CDH4: variants seen among roughly 807,000 people sequenced by gnomAD.
The protein encoded by CDH4 is cadherin-4.
Under a neutral mutation model 86.0 loss-of-function variants are expected in CDH4, and 33 were observed. The ratio of observed to expected loss-of-function variants is 0.38; its 90% CI spans 0.29 to 0.51. The LOEUF is 0.51. Ranked by LOEUF, CDH4 falls within the 20% of genes least tolerant of loss-of-function variation. CDH4 has a pLI of 0.86. For missense variants in CDH4, 1,114 were observed against 1,307.4 expected (o/e 0.85, Z 2.28); for synonymous variants, 555 against 549.4 (o/e 1.01, Z -0.14).
intron 4 of CDH4, among the ~76,000 whole-genome samples, chr20:61,788,686 G>C (rs951335391): frequency 2.0e-5 from 3 of 152,186 alleles, no homozygotes; most frequent in Non-Finnish European, 4.4e-5. Flanking sequence ...TCTAACAGCA[G>C]ACTTTTCTAA....
intron 2 of CDH4, among the ~76,000 whole-genome samples, chr20:61,692,227 A>ATGTG (rs1233116905): frequency 7.4e-6 from 1 of 135,832 alleles, no homozygotes; most frequent in Non-Finnish European, 1.7e-5. Context: ...GTATGTGTGT[A>ATGTG]TGTGTGTGTA....
intron 2 of CDH4, among the ~76,000 whole-genome samples, chr20:61,556,007 C>T (rs893268691): frequency 3.9e-5 from 6 of 152,142 alleles, no homozygotes; most frequent in Non-Finnish European, 8.8e-5. Flanking sequence ...GCTCTGAGCA[C>T]GAAGCCGCCC....
At chr20:61,824,290 G>A (rs955873623) in intron 4 of CDH4, among the ~76,000 whole-genome samples, 2 of 151,388 alleles carry the variant, frequency 1.3e-5, no homozygotes, top group African/African-American at 4.9e-5. Flanking sequence ...TGGGTAGCTG[G>A]ATTCATGGAT....
chr20:61,706,317 G>A lies in CDH4; in HGVS notation c.170-37246G>A, dbSNP rs143490936. Among the ~76,000 whole-genome samples, 57 of 152,212 alleles carry A rather than the reference G, an allele frequency of 3.7e-4. No individual in the cohort carries two copies. The South Asian group carries it at 9.3e-3, about 25-fold the overall frequency. Reference sequence around the variant, plus strand: ...ACTAAAGGGGGCTTCAGAGGGCCGGGGGGGATGAGAGACCGGATACCCCAC... The same window carrying A: ...ACTAAAGGGGGCTTCAGAGGGCCGGAGGGGATGAGAGACCGGATACCCCAC... On this transcript the variant is annotated intron_variant, in intron 2 of 15. Coordinates refer to ENST00000614565, the MANE Select transcript of CDH4 (RefSeq NM_001794.5).
At chr20:61,854,399 T>C (rs1225756853) in intron 6 of CDH4, among the ~76,000 whole-genome samples, 1 of 151,780 alleles carries the variant, frequency 6.6e-6, no homozygotes, top group Non-Finnish European at 1.5e-5. Flanking sequence ...GTGAACAGGG[T>C]GAATTGCACT....
chr20:61,788,186 T>C (rs1978986240), intron 4 of CDH4, among the ~76,000 whole-genome samples: 1 of 152,168 alleles, frequency 6.6e-6, no homozygotes, highest in African/African-American at 2.4e-5. Flanking sequence ...CCCAATCTTA[T>C]CACAGACTGG....
At chr20:61,936,676 A>G (rs4925209) in intron 15 of CDH4, 61 bp from the exon 16 acceptor site, 325,190 of 1,380,018 alleles carry the variant, frequency 0.24, 40,016 homozygotes, top group Middle Eastern at 0.29. Context: ...TTTCCGTTCC[A>G]TCTGATCCCG....
chr20:61,284,076 C>A (rs917560220), intron 2 of CDH4, among the ~76,000 whole-genome samples: 3 of 150,916 alleles, frequency 2.0e-5, no homozygotes, highest in Non-Finnish European at 2.9e-5. Flanking sequence ...GAGGACAAGG[C>A]GGGTGGATCA....
chr20:61,357,869 C>G (rs765776201), intron 2 of CDH4, among the ~76,000 whole-genome samples: 42 of 152,296 alleles, frequency 2.8e-4, no homozygotes, highest in Non-Finnish European at 3.7e-4. Context: ...AGGGCAGGAA[C>G]AACGATTCTT....
At chr20:61,370,823 A>G (rs1294713334) in intron 2 of CDH4, 6 of 152,196 alleles carry the variant, frequency 3.9e-5, no homozygotes, top group Non-Finnish European at 7.3e-5. Flanking sequence ...CTGAGTTGGG[A>G]CTTAATGCGA....
Position 61,393,780 on chromosome 20 carries a change from G to T in CDH4, c.169+138843G>T, listed in dbSNP as rs898802176. 6.6e-6 allele frequency among the ~76,000 whole-genome samples: 1 copy of T among 151,982 alleles called. No individual in the cohort carries two copies. Among genetic ancestry groups the T allele is most frequent in the East Asian group, 1.9e-4 (1 of 5,178 alleles). ...ACACGAGTCCTGGAGACCGTGCAGTGAACTCTTACACCCCAGGGCTCAGTG... is the reference window on the plus strand; with the variant it reads ...ACACGAGTCCTGGAGACCGTGCAGTTAACTCTTACACCCCAGGGCTCAGTG... On this transcript the variant is annotated intron_variant, in intron 2 of 15. Transcript: ENST00000614565. The surrounding 1 kb of genome is among the most constrained non-coding windows in gnomAD (Gnocchi z 4.3).
At chr20:61,927,436 C>A (rs567614242) in intron 11 of CDH4, among the ~76,000 whole-genome samples, 45 of 152,326 alleles carry the variant, frequency 3.0e-4, no homozygotes, top group African/African-American at 9.1e-4. Flanking sequence ...TCATCGGGTC[C>A]TCCAAGGAGA....
At chr20:61,430,363 C>G (rs960682925) in intron 2 of CDH4, among the ~76,000 whole-genome samples, 1 of 152,182 alleles carries the variant, frequency 6.6e-6, no homozygotes, top group African/African-American at 2.4e-5. Flanking sequence ...CTTTGACGCC[C>G]GGCTCATCAG....
In CDH4 at chr20:61,518,488, C is replaced by T. The variant is rs1283738127; in HGVS notation, c.170-225075C>T. ...ATCGTCCATCCATCCATCCTTCCAT[C>T]ATTGATTCATCATCCATCCATCCGT... is the stretch of plus-strand genomic sequence containing the variant. On this transcript the variant is annotated intron_variant, in intron 2 of 15. Coordinates refer to ENST00000614565, the MANE Select transcript of CDH4 (RefSeq NM_001794.5). This position sits in a 1 kb window ranked among gnomAD's most constrained non-coding sequence, Gnocchi z 6.3. Among the ~76,000 whole-genome samples, 2 of 151,870 alleles carry T rather than the reference C, an allele frequency of 1.3e-5. No individual in the cohort carries two copies. Among genetic ancestry groups the T allele is most frequent in the Non-Finnish European group, 2.9e-5 (2 of 67,922 alleles).
chr20:61,873,855 C>T lies in CDH4; in HGVS notation c.1005C>T (p.Ser335=), dbSNP rs148871297. 9.5e-5 allele frequency: 153 copies of T among 1,614,108 alleles called. No homozygotes were observed. The East Asian group carries it at 2.5e-3, about 26-fold the overall frequency. The stretch of plus-strand genomic sequence containing the variant: ...CCCAGAATATGTTCACCATCAACAG[C>T]GAGACTGGAGATATCGTCACAGTGG... ...SPSQNMFTIN[S]ETGDIVTVAA... The change falls in exon 7 of 16, where the codon AGC becomes AGT. Residue 335 remains serine (S), a synonymous_variant. Transcript: ENST00000614565.
chr20:61,477,004 G>A (rs2085540415), intron 2 of CDH4, among the ~76,000 whole-genome samples: 1 of 152,234 alleles, frequency 6.6e-6, no homozygotes, highest in South Asian at 2.1e-4. Flanking sequence ...GGTGACAAAG[G>A]CAGACAGGGG....
chr20:61,612,654 C>T (rs1352731482), intron 2 of CDH4, among the ~76,000 whole-genome samples: 1 of 152,126 alleles, frequency 6.6e-6, no homozygotes, highest in Non-Finnish European at 1.5e-5. Flanking sequence ...CAATTATGGA[C>T]TTTCCCGAAT....
At chr20:61,467,481 G>A (rs1431018020) in intron 2 of CDH4, among the ~76,000 whole-genome samples, 3 of 152,150 alleles carry the variant, frequency 2.0e-5, no homozygotes, top group Non-Finnish European at 2.9e-5. Context: ...AGTACAATAG[G>A]CATGGTGGCT....
At chr20:61,575,872 C>T (rs1229832765) in intron 2 of CDH4, among the ~76,000 whole-genome samples, 1 of 152,142 alleles carries the variant, frequency 6.6e-6, no homozygotes, top group African/African-American at 2.4e-5. Flanking sequence ...CCACCCAAGT[C>T]TCAGGAATAA....
Sources: allele counts gnomAD v4.1 joint callset (sites outside exome capture counted in the v4.1 genomes callset), GRCh38; gene constraint gnomAD v4.1.1; non-coding constraint Gnocchi (gnomAD v3.1); transcripts MANE v1.5; gene names NCBI Gene and HGNC (gene_info 2026-07-23, HGNC 2026-07-21).